Variants in EPHA3 observed in about 807,000 individuals in gnomAD.
EPHA3 encodes the protein ephrin type-A receptor 3.
A neutral mutation model predicts 107.1 loss-of-function variants in EPHA3; 42 were observed. The observed-to-expected ratio is 0.39, with a 90% confidence interval of 0.31 to 0.51. The LOEUF (loss-of-function observed/expected upper bound fraction) is 0.51. Among genes scored for constraint, EPHA3 ranks in the 20% least tolerant of loss-of-function variants. The pLI, the probability that EPHA3 is intolerant of heterozygous loss-of-function variation, is 0.78. For missense variants in EPHA3, 1,183 were observed against 1,211.2 expected (o/e 0.98, Z 0.35); for synonymous variants, 461 against 424.8 (o/e 1.09, Z -1.05).
intron 2 of EPHA3, among the ~76,000 whole-genome samples, chr3:89,202,374 G>A (rs1220933800): frequency 6.6e-6 from 1 of 150,604 alleles, no homozygotes; most frequent in African/African-American, 2.4e-5. Flanking sequence ...AAAGTAGCTG[G>A]GCATGGCGGT....
At chr3:89,411,171 T>G (rs2107520074) in intron 9 of EPHA3, among the ~76,000 whole-genome samples, 1 of 151,978 alleles carries the variant, frequency 6.6e-6, no homozygotes, top group South Asian at 2.1e-4. Context: ...ATAGCTTTTT[T>G]TTTTTCTCAG....
At chr3:89,400,815 A>G (rs537911240) in intron 7 of EPHA3, among the ~76,000 whole-genome samples, 8 of 152,322 alleles carry the variant, frequency 5.3e-5, no homozygotes, top group African/African-American at 1.9e-4. Context: ...TTGTTAAAGG[A>G]AAAAGGATAT....
intron 3 of EPHA3, among the ~76,000 whole-genome samples, chr3:89,269,469 T>C (rs997618038): frequency 6.6e-6 from 1 of 151,844 alleles, no homozygotes; most frequent in Non-Finnish European, 1.5e-5. Flanking sequence ...AGACACAGGG[T>C]ACTGCTTTGT....
chr3:89,224,024 G>A (rs750055385), intron 3 of EPHA3, among the ~76,000 whole-genome samples: 36 of 151,924 alleles, frequency 2.4e-4, no homozygotes, highest in Middle Eastern at 6.8e-3. Context: ...TTATTTTATC[G>A]ATCAATATTT....
chr3:89,159,491 C>T lies in EPHA3; in HGVS notation c.153+32218C>T, dbSNP rs549704794. Among the ~76,000 whole-genome samples, 13 of 152,188 alleles carry T rather than the reference C, an allele frequency of 8.5e-5. No homozygotes were observed. The South Asian group carries it at 1.4e-3, about 17-fold the overall frequency. On this transcript the variant is annotated intron_variant, in intron 2 of 16. Coordinates refer to ENST00000336596, the MANE Select transcript of EPHA3 (RefSeq NM_005233.6). ...CCTGGCTATGGTCTCATTGACACCACGACAAGGCTGTCAATTGAAGTCAGA... is the reference window on the plus strand; with the variant it reads ...CCTGGCTATGGTCTCATTGACACCATGACAAGGCTGTCAATTGAAGTCAGA...
intron 3 of EPHA3, among the ~76,000 whole-genome samples, chr3:89,329,916 A>T (rs1338815841): frequency 6.6e-6 from 1 of 152,000 alleles, no homozygotes; most frequent in African/African-American, 2.4e-5. Flanking sequence ...GCAAGTTTTT[A>T]AAAATATTTT....
chr3:89,158,962 A>G (rs1181182392), intron 2 of EPHA3, among the ~76,000 whole-genome samples: 2 of 152,048 alleles, frequency 1.3e-5, no homozygotes, highest in Non-Finnish European at 2.9e-5. Flanking sequence ...TTTTTTTGTT[A>G]TAGTCCTAAA....
chr3:89,195,602 T>A (rs963068873), intron 2 of EPHA3, among the ~76,000 whole-genome samples: 1 of 152,166 alleles, frequency 6.6e-6, no homozygotes, highest in African/African-American at 2.4e-5. Context: ...GTTTGTCAAG[T>A]CCTTGTCCTA....
At chr3:89,290,113 T>A (rs1706177256) in intron 3 of EPHA3, among the ~76,000 whole-genome samples, 2 of 152,168 alleles carry the variant, frequency 1.3e-5, no homozygotes, top group African/African-American at 4.8e-5. Context: ...GTTCTTCTGT[T>A]GTGGTTCTAA....
At chr3:89,340,811 G>C in intron 3 of EPHA3, 105 bp from the exon 4 acceptor site, 1 of 1,240,030 alleles carries the variant, frequency 8.1e-7, no homozygotes, top group Non-Finnish European at 1.1e-6. Context: ...GAAAAAACTT[G>C]ATTTTTATTT....
chr3:89,326,413 A>T (rs1055605731), intron 3 of EPHA3, among the ~76,000 whole-genome samples: 1 of 152,062 alleles, frequency 6.6e-6, no homozygotes, highest in Non-Finnish European at 1.5e-5. Context: ...TTTTGAGACA[A>T]GATCTTGCTC....
At chr3:89,316,795 T>C (rs1706918635) in intron 3 of EPHA3, among the ~76,000 whole-genome samples, 1 of 151,454 alleles carries the variant, frequency 6.6e-6, no homozygotes, top group East Asian at 2.0e-4. Context: ...GAAGTATCAG[T>C]TGTGAAATAT....
chr3:89,131,906 G>A (rs979694432), intron 2 of EPHA3, among the ~76,000 whole-genome samples: 1 of 152,094 alleles, frequency 6.6e-6, no homozygotes, highest in African/African-American at 2.4e-5. Flanking sequence ...AAGAAACATC[G>A]ATATTGTTCA....
intron 15 of EPHA3, among the ~76,000 whole-genome samples, chr3:89,455,356 C>A (rs1710075566): frequency 2.0e-5 from 3 of 152,006 alleles, no homozygotes; most frequent in African/African-American, 7.2e-5. Context: ...TTAAAAAATG[C>A]AAAAGTCTTG....
chr3:89,467,172 A>AT (rs1204335634), intron 15 of EPHA3, among the ~76,000 whole-genome samples: 16 of 152,280 alleles, frequency 1.1e-4, no homozygotes, highest in East Asian at 3.9e-4. Flanking sequence ...CAAATATAAG[A>AT]TTTTCCCCCT....
intron 5 of EPHA3, among the ~76,000 whole-genome samples, chr3:89,367,813 GTTAATTTT>G (rs1559667263): frequency 1.3e-5 from 2 of 150,688 alleles, no homozygotes. Flanking sequence ...CCAGCACTTT[GTTAATTTT>G]TCTCTAATTC....
chr3:89,167,226 C>T (rs532913632), intron 2 of EPHA3, among the ~76,000 whole-genome samples: 1 of 152,244 alleles, frequency 6.6e-6, no homozygotes, highest in South Asian at 2.1e-4. Context: ...AGATGCATTA[C>T]ATCACAGAGT....
rs546328252 is a variant in EPHA3 at position 89,297,773 on chromosome 3, G to A, written c.815-43143G>A. Among the ~76,000 whole-genome samples the A allele has an allele frequency of 1.4e-4, 21 of 152,176 alleles. No individual in the cohort carries two copies. The South Asian group carries it at 3.5e-3, about 26-fold the overall frequency. On this transcript the variant is annotated intron_variant, in intron 3 of 16. Coordinates refer to ENST00000336596, the MANE Select transcript of EPHA3 (RefSeq NM_005233.6). ...ATGTTGGCCAGGCATGGTGGCTCAC[G>A]CCTGTAATCCCAGCACTTTGGGAGG...
intron 3 of EPHA3, among the ~76,000 whole-genome samples, chr3:89,305,108 G>T (rs1376688307): frequency 1.3e-5 from 2 of 152,062 alleles, no homozygotes; most frequent in African/African-American, 2.4e-5. Context: ...ATTCGGAATT[G>T]TTCCTATTGT....
Sources: gnomAD v4.1 joint callset for allele counts (sites outside exome capture counted in the v4.1 genomes callset) on GRCh38, gnomAD v4.1.1 for gene constraint, MANE v1.5 for transcripts, NCBI Gene and HGNC (gene_info 2026-07-23, HGNC 2026-07-21) for gene names.